The following CLK3 variants were observed in gnomAD, a reference collection of about 807,000 sequenced individuals.
CLK3 encodes the protein CDC like kinase 3.
A neutral mutation model predicts 65.2 loss-of-function variants in CLK3; 24 were observed. The observed-to-expected ratio is 0.37, with a 90% CI of 0.27 to 0.52. CLK3 has a LOEUF of 0.52. CLK3 is among the 20% of genes least tolerant of loss of function. CLK3 has a pLI of 0.92. For synonymous variants in CLK3, 252 were observed against 240.8 expected (o/e 1.05, Z -0.43); for missense variants, 506 against 660.0 (o/e 0.77, Z 2.56).
intron 1 of CLK3, among the ~76,000 whole-genome samples, chr15:74,609,891 T>C (rs78772396): frequency 4.1e-3 from 628 of 152,336 alleles, no homozygotes; most frequent in Non-Finnish European, 6.4e-3. Context: ...AAGTTATGAC[T>C]CTGAACAAGC....
At chr15:74,615,524 AG>A, upstream of CLK3, 2 of 1,293,892 alleles carry the variant, frequency 1.5e-6, no homozygotes, top group South Asian at 4.6e-5. Context: ...GAGCGGGCCC[AG>A]CCCCACGGCC....
chr15:74,619,233 G>T lies in CLK3; in HGVS notation c.37G>T (p.Asp13Tyr). Reference protein sequence around the residue: ...HCKRYRSPEPDPYLSYRWKRR... With the variant: ...HCKRYRSPEPYPYLSYRWKRR... Reference sequence around the variant, plus strand: ...TAAGCGATACCGCTCCCCTGAACCAGACCCGTACCTGAGCTACCGATGGAA... The same window carrying T: ...TAAGCGATACCGCTCCCCTGAACCATACCCGTACCTGAGCTACCGATGGAA... The change falls in exon 2 of 13, where the codon GAC (aspartate) becomes TAC (tyrosine). Residue 13 changes from aspartate to tyrosine, a missense_variant. By Grantham distance (160) the Asp-to-Tyr change is radical (BLOSUM62 -3). Coordinates refer to ENST00000395066, the MANE Select transcript of CLK3 (RefSeq NM_001130028.2). 1 of 1,614,200 alleles carries T rather than the reference G, an allele frequency of 6.2e-7. No homozygotes were observed. Among genetic ancestry groups the T allele is most frequent in the South Asian group, 1.1e-5 (1 of 91,082 alleles).
At chr15:74,623,965 C>A (rs973132073) in intron 5 of CLK3, 2 of 152,188 alleles carry the variant, frequency 1.3e-5, no homozygotes, top group Non-Finnish European at 2.9e-5. Context: ...CATGGCCTTT[C>A]CCCTGAGGTC....
Position 74,622,367 on chromosome 15 carries a change from A to G in CLK3, c.467-127A>G. On this transcript the variant is annotated intron_variant, in intron 4 of 12. Transcript: ENST00000395066. The surrounding 1 kb of genome is among the most constrained non-coding windows in gnomAD (Gnocchi z 4.6). Reference sequence around the variant, plus strand: ...AATGACACAGACACTAGCAACTTCCATTTTTAAGAGTGTAGCAGTGAGAGA... The same window carrying G: ...AATGACACAGACACTAGCAACTTCCGTTTTTAAGAGTGTAGCAGTGAGAGA... The G allele has an allele frequency of 9.5e-7, 1 of 1,054,390 alleles. No homozygotes were observed. 65.3% of individuals were successfully genotyped at this position (1,054,390 alleles called of 1,614,324 possible). A position where few individuals can be genotyped will look rare whatever the true frequency, so the allele number is the denominator to read the frequency against.
rs773477147 is a variant in CLK3 at position 74,622,452 on chromosome 15, C to T, written c.467-42C>T. ...TGAACTTGCAGGAGCTGCCAACCCC[C>T]TGCCCTCCAGATTCTCATGCCCAAT... On this transcript the variant is annotated intron_variant, in intron 4 of 12. Coordinates refer to ENST00000395066, the MANE Select transcript of CLK3 (RefSeq NM_001130028.2). The surrounding 1 kb of genome is among the most constrained non-coding windows in gnomAD (Gnocchi z 4.6). 4 of 1,500,418 alleles carry T rather than the reference C, an allele frequency of 2.7e-6. No homozygotes were observed. The South Asian group carries it at 3.6e-5, about 13-fold the overall frequency. 92.9% of individuals were successfully genotyped at this position (1,500,418 alleles called of 1,614,324 possible).
Position 74,620,058 on chromosome 15 carries a change from G to GAT in CLK3, c.204_205dup (p.Thr69IlefsTer118), listed in dbSNP as rs2062089349. The GAT allele has an allele frequency of 6.2e-7, 1 of 1,614,082 alleles. No homozygotes were observed. The highest frequency in any genetic ancestry group is 1.1e-5 in the South Asian group (1 of 91,092). ...GAGGTACCGGGAGCGCCGTGACAGC[G>GAT]ATACATACCGGTGTGAAGAGCGGAG... On this transcript the variant is annotated frameshift_variant, in exon 3 of 13. Coordinates refer to ENST00000395066, the MANE Select transcript of CLK3 (RefSeq NM_001130028.2). LOFTEE classifies it high-confidence loss of function.
rs1338788791 is a variant in CLK3 at position 74,620,006 on chromosome 15, C to T, written c.153-3C>T. The T allele has an allele frequency of 6.2e-7, 1 of 1,614,032 alleles. No homozygotes were observed. The highest frequency in any genetic ancestry group is 8.5e-7 in the Non-Finnish European group (1 of 1,179,966). On this transcript the variant is annotated splice_region_variant and splice_polypyrimidine_tract_variant and intron_variant, in intron 2 of 12. Transcript: ENST00000395066. ...ACCAGCGTCCCCATCCCCCTTTTGG[C>T]AGCCATGACCGCCTGCCCTACCAGA...
Position 74,621,878 on chromosome 15 carries a change from T to C in CLK3, c.370-242T>C. 1 of 548,628 alleles carries C rather than the reference T, an allele frequency of 1.8e-6. No homozygotes were observed. 34.0% of individuals were successfully genotyped at this position (548,628 alleles called of 1,614,324 possible). On this transcript the variant is annotated intron_variant, in intron 3 of 12. Coordinates refer to ENST00000395066, the MANE Select transcript of CLK3 (RefSeq NM_001130028.2). The surrounding 1 kb of genome is among the most constrained non-coding windows in gnomAD (Gnocchi z 4.8). ...AATGTCCGAGTTTTCTTTACATACC[T>C]GTAGCTGTTTTTACTTTTCTGTTTT...
chr15:74,608,399 G>A (rs1567135391), exon 1 of CLK3: 1 of 152,578 alleles, frequency 6.6e-6, no homozygotes, highest in Non-Finnish European at 1.5e-5. Context: ...AGGACCTGGA[G>A]TGTACTGGAA....
chr15:74,615,669 G>A (rs1026102493), upstream of CLK3: 3 of 1,246,392 alleles, frequency 2.4e-6, no homozygotes, highest in African/African-American at 3.1e-5. Context: ...GGCCCTCCCG[G>A]AACTAGTCTC....
chr15:74,616,804 T>C (rs1035388943), intron 1 of CLK3, among the ~76,000 whole-genome samples: 4 of 152,210 alleles, frequency 2.6e-5, no homozygotes, highest in African/African-American at 9.7e-5. Context: ...GCTGCACTTC[T>C]AGTCAGCCCA....
Position 74,629,798 on chromosome 15 carries a change from T to C in CLK3, c.1388T>C (p.Leu463Pro), listed in dbSNP as rs2062178978. ...TTTGACCCTGCCCAGCGCATCACAC[T>C]GGCCGAGGCCCTGCTGCACCCCTTC... ...LEFDPAQRIT[L>P]AEALLHPFFA... The change falls in exon 13 of 13, where the codon CTG becomes CCG. Residue 463 changes from leucine to proline, a missense_variant. This residue lies in a region of CLK3 where 325 missense variants were observed against 500.5 expected (regional missense o/e 0.65). Coordinates refer to ENST00000395066, the MANE Select transcript of CLK3 (RefSeq NM_001130028.2). 6.2e-7 allele frequency: 1 copy of C among 1,613,462 alleles called. No individual in the cohort carries two copies.
intron 6 of CLK3, among the ~76,000 whole-genome samples, chr15:74,625,313 G>A (rs1056997619): frequency 6.6e-6 from 1 of 152,210 alleles, no homozygotes; most frequent in Admixed American, 6.5e-5. Context: ...CACATAGTAG[G>A]AGATACCCAA....
rs2062156490 is a variant in CLK3, at chr15:74,627,850, G to A, written c.1043-120G>A. ...GCTTTATCTGTCAGCCTTACTGAGA[G>A]AGGGCCTCGTACTGGGATTTGGGCA... On this transcript the variant is annotated intron_variant, in intron 9 of 12. Transcript: ENST00000395066. The surrounding 1 kb of genome is among the most constrained non-coding windows in gnomAD (Gnocchi z 4.3). 5 of 1,176,830 alleles carry A rather than the reference G, an allele frequency of 4.2e-6. No homozygotes were observed. Among genetic ancestry groups the A allele is most frequent in the Non-Finnish European group, 3.8e-6 (3 of 798,252 alleles). 72.9% of individuals were successfully genotyped at this position (1,176,830 alleles called of 1,614,324 possible). A position where few individuals can be genotyped will look rare whatever the true frequency, so the allele number is the denominator to read the frequency against.
chr15:74,621,727 G>A lies in CLK3; in HGVS notation c.370-393G>A. The A allele has an allele frequency of 2.8e-6, 1 of 353,252 alleles. No homozygotes were observed. The allele number at this position is 353,252 out of a possible 1,614,324, so 21.9% of individuals were successfully genotyped here. ...CTCTGGCCCAAAGCCACATGGGAGG[G>A]TCTGGGAGGGAGAGACTCGGAGGAG... On this transcript the variant is annotated intron_variant, in intron 3 of 12. Transcript: ENST00000395066. The surrounding 1 kb of genome is among the most constrained non-coding windows in gnomAD (Gnocchi z 4.8).
At chr15:74,626,032 C>G in intron 7 of CLK3, 64 bp downstream of exon 7, 2 of 1,551,786 alleles carry the variant, frequency 1.3e-6, no homozygotes. Flanking sequence ...CATCTGGTTA[C>G]TTGTTGTCCC....
intron 1 of CLK3, among the ~76,000 whole-genome samples, chr15:74,616,427 C>T (rs1040257325): frequency 2.0e-5 from 3 of 152,228 alleles, no homozygotes; most frequent in Non-Finnish European, 2.9e-5. Context: ...GCGCAGGCTC[C>T]CCTGTGTGTT....
At chr15:74,616,917 A>G (rs1360406565) in intron 1 of CLK3, among the ~76,000 whole-genome samples, 1 of 152,242 alleles carries the variant, frequency 6.6e-6, no homozygotes, top group African/African-American at 2.4e-5. Flanking sequence ...CTCATTGTGC[A>G]GAGCAGAGCT....
intron 6 of CLK3, among the ~76,000 whole-genome samples, chr15:74,625,393 G>A (rs1421376807): frequency 6.6e-6 from 1 of 152,164 alleles, no homozygotes; most frequent in Non-Finnish European, 1.5e-5. Flanking sequence ...TGGGCAGATG[G>A]GTGAATCCAG....
Sources: gnomAD v4.1 joint callset for allele counts (sites outside exome capture counted in the v4.1 genomes callset) on GRCh38, gnomAD v4.1.1 for gene constraint, gnomAD v4.1.1 regional missense constraint, Gnocchi (gnomAD v3.1) non-coding constraint, MANE v1.5 for transcripts, NCBI Gene and HGNC (gene_info 2026-07-23, HGNC 2026-07-21) for gene names.